The following PTPN21 variants were observed in gnomAD, a reference collection of about 807,000 sequenced individuals.
The protein encoded by PTPN21 is protein tyrosine phosphatase non-receptor type 21.
A neutral mutation model predicts 131.8 loss-of-function variants in PTPN21; 77 were observed. The ratio of observed to expected loss-of-function variants is 0.58; its 90% CI spans 0.49 to 0.71. The LOEUF (loss-of-function observed/expected upper bound fraction) is 0.71. Ranked by LOEUF, PTPN21 falls within the 30% of genes least tolerant of loss-of-function variation. The probability of loss-of-function intolerance (pLI) is 0.00; values close to 1 mark genes in which losing one functional copy is unlikely to be tolerated. For missense variants in PTPN21, 1,552 were observed against 1,527.1 expected (o/e 1.02, Z -0.27); for synonymous variants, 715 against 621.3 (o/e 1.15, Z -2.24).
intron 13 of PTPN21, among the ~76,000 whole-genome samples, chr14:88,476,853 C>T (rs768662241): frequency 4.6e-5 from 7 of 152,150 alleles, no homozygotes; most frequent in South Asian, 2.1e-4. Context: ...GTATTGTGGT[C>T]TTAAAAGTCA....
chr14:88,469,188 T>C lies in PTPN21; in HGVS notation c.3236-112A>G, dbSNP rs1258387912. ...TAAGAGGACTGCAGATAAAGAGCAC[T>C]GGGTGCCAGTGAACCAAACCCAACC... On this transcript the variant is annotated intron_variant, in intron 17 of 18. Transcript: ENST00000556564. The surrounding 1 kb of genome is among the most constrained non-coding windows in gnomAD (Gnocchi z 4.3). 8.1e-7 allele frequency: 1 copy of C among 1,238,500 alleles called. No homozygotes were observed. Among genetic ancestry groups the C allele is most frequent in the Non-Finnish European group, 1.1e-6 (1 of 902,912 alleles). 76.7% of individuals were successfully genotyped at this position (1,238,500 alleles called of 1,614,324 possible). A position where few individuals can be genotyped will look rare whatever the true frequency, so the allele number is the denominator to read the frequency against.
intron 3 of PTPN21, 103 bp downstream of exon 3, chr14:88,516,989 G>GA: frequency 7.5e-7 from 1 of 1,331,858 alleles, no homozygotes; most frequent in Non-Finnish European, 1.0e-6. Flanking sequence ...AATGTGGGGC[G>GA]AGAGGGCAAA....
At chr14:88,547,834 G>A (rs1179224267) in intron 2 of PTPN21, among the ~76,000 whole-genome samples, 1 of 152,068 alleles carries the variant, frequency 6.6e-6, no homozygotes, top group African/African-American at 2.4e-5. Flanking sequence ...ACCATCTTCT[G>A]GCTTTAATGA....
chr14:88,468,789 T>C, intron 18 of PTPN21, 127 bp downstream of exon 18: 6 of 1,138,118 alleles, frequency 5.3e-6, no homozygotes, highest in Non-Finnish European at 7.7e-6. Context: ...CAGGGAACAT[T>C]AGTAACATCT....
At chr14:88,536,374 AAAAAT>A (rs2078631340) in intron 2 of PTPN21, among the ~76,000 whole-genome samples, 2 of 152,234 alleles carry the variant, frequency 1.3e-5, no homozygotes, top group African/African-American at 4.8e-5. Context: ...AAACTACAGT[AAAAAT>A]AAAAGTTAAA....
intron 2 of PTPN21, among the ~76,000 whole-genome samples, chr14:88,539,049 C>T (rs2078667393): frequency 6.6e-6 from 1 of 151,720 alleles, no homozygotes; most frequent in Non-Finnish European, 1.5e-5. Context: ...ACTTCCTTCA[C>T]TAATAGGATT....
At chr14:88,552,213 C>T (rs2078879043) in intron 1 of PTPN21, 1 of 152,280 alleles carries the variant, frequency 6.6e-6, no homozygotes, top group Admixed American at 6.5e-5. Context: ...TCCCAGTCCT[C>T]TCCTGGGTCC....
chr14:88,548,974 T>C (rs1401590946), intron 2 of PTPN21, among the ~76,000 whole-genome samples: 1 of 152,214 alleles, frequency 6.6e-6, no homozygotes, highest in Non-Finnish European at 1.5e-5. Context: ...GTCATCCCCA[T>C]GGTTCAGATG....
chr14:88,510,074 G>A (rs1236660749), intron 3 of PTPN21, among the ~76,000 whole-genome samples: 4 of 151,968 alleles, frequency 2.6e-5, no homozygotes. Context: ...CAACATACTT[G>A]GACCCAATTA....
chr14:88,489,148 G>A (rs1339505655), intron 10 of PTPN21, among the ~76,000 whole-genome samples: 1 of 152,182 alleles, frequency 6.6e-6, no homozygotes, highest in Non-Finnish European at 1.5e-5. Flanking sequence ...GTGGAGGCAA[G>A]ATGTGGTATC....
chr14:88,488,363 T>C (rs2077768036), intron 10 of PTPN21, among the ~76,000 whole-genome samples: 1 of 152,216 alleles, frequency 6.6e-6, no homozygotes, highest in South Asian at 2.1e-4. Context: ...CCCACTGTAG[T>C]AGCCGGCTCT....
intron 12 of PTPN21, among the ~76,000 whole-genome samples, chr14:88,481,011 C>A (rs149563777): frequency 0.012 from 1,819 of 152,266 alleles, 15 homozygotes; most frequent in Non-Finnish European, 0.02. Context: ...TTAACCTAAT[C>A]TTAAAATAGC....
chr14:88,472,233 G>A lies in PTPN21; in HGVS notation c.2871+11C>T, dbSNP rs531184352. ...GCATGTGCTGTTGATTACTTGAGGC[G>A]TTCCTCTCACCTTAATATGTGATGC... is the stretch of plus-strand genomic sequence containing the variant. On this transcript the variant is annotated intron_variant, in intron 15 of 18. Coordinates refer to ENST00000556564, the MANE Select transcript of PTPN21 (RefSeq NM_007039.4). The A allele has an allele frequency of 7.9e-5, 122 of 1,544,740 alleles. No homozygotes were observed. Among genetic ancestry groups the A allele is most frequent in the South Asian group, 5.7e-4 (51 of 88,956 alleles).
chr14:88,487,897 C>T (rs1259501082), intron 10 of PTPN21, among the ~76,000 whole-genome samples: 4 of 141,076 alleles, frequency 2.8e-5, no homozygotes, highest in Non-Finnish European at 4.5e-5. Context: ...GCCAAGGGGG[C>T]GGAGGTTGCA....
rs548962743 is a variant in PTPN21, at chr14:88,546,984, G to A, written c.180+3254C>T. On this transcript the variant is annotated intron_variant, in intron 2 of 18. Coordinates refer to ENST00000556564, the MANE Select transcript of PTPN21 (RefSeq NM_007039.4). ...AAATTGTGGGACAGACTCTCCACAG[G>A]CAAAACATTTTCTAGGGACCATGCC... 1.5e-3 allele frequency among the ~76,000 whole-genome samples: 226 copies of A among 152,212 alleles called. 1 individual carries two copies. Among genetic ancestry groups the A allele is most frequent in the Middle Eastern group, 3.4e-3 (1 of 294 alleles).
intron 13 of PTPN21, among the ~76,000 whole-genome samples, chr14:88,477,353 G>A (rs2077560661): frequency 6.9e-6 from 1 of 145,390 alleles, no homozygotes; most frequent in Admixed American, 7.2e-5. Context: ...AGATCACAAG[G>A]CAGGGGAATC....
At chr14:88,501,257 C>T in intron 7 of PTPN21, 24 bp downstream of exon 7, 1 of 1,574,810 alleles carries the variant, frequency 6.3e-7, no homozygotes, top group South Asian at 1.1e-5. Flanking sequence ...CTTTAAAGAG[C>T]CCCAGCCGCC....
Position 88,500,858 on chromosome 14 carries a change from C to T in PTPN21, c.689G>A (p.Ser230Asn). 6.2e-7 allele frequency: 1 copy of T among 1,612,394 alleles called. No homozygotes were observed. The highest frequency in any genetic ancestry group is 1.3e-5 in the African/African-American group (1 of 75,018). ...AAGACACGCTCCAATGGATATGTCA[C>T]TTCCTTGGCTATCCTACAAGGAGAA... ...ESYPAKDSQGSDISIGACLEG... is the reference protein window; with the variant it reads ...ESYPAKDSQGNDISIGACLEG... Residue 230 changes from serine (S) to asparagine (N), a missense_variant, in exon 8 of 19, where the codon AGT becomes AAT. Physicochemically the swap from Ser to Asn is conservative, Grantham distance 46. Coordinates refer to ENST00000556564, the MANE Select transcript of PTPN21 (RefSeq NM_007039.4).
chr14:88,480,375 G>T (rs1413536798), intron 12 of PTPN21, 23 bp from the exon 13 acceptor site: 9 of 1,557,140 alleles, frequency 5.8e-6, no homozygotes, highest in Non-Finnish European at 7.9e-6. Context: ...AGTTCAAAAT[G>T]AGATTTTTTT....
Sources: allele counts gnomAD v4.1 joint callset (sites outside exome capture counted in the v4.1 genomes callset), GRCh38; gene constraint gnomAD v4.1.1; non-coding constraint Gnocchi (gnomAD v3.1); transcripts MANE v1.5; gene names NCBI Gene and HGNC (gene_info 2026-07-23, HGNC 2026-07-21).